The following THSD7A variants were observed in gnomAD, a reference collection of about 807,000 sequenced individuals.
THSD7A encodes the protein thrombospondin type 1 domain containing 7A, also known as thrombospondin type-1 domain-containing protein 7A.
A neutral mutation model predicts 231.3 loss-of-function variants in THSD7A; 96 were observed. That is an observed-to-expected ratio of 0.41 (90% confidence interval 0.35 to 0.49). THSD7A has a LOEUF of 0.49. Ranked by LOEUF, THSD7A falls within the 20% of genes least tolerant of loss-of-function variation. THSD7A has a pLI of 0.05. For synonymous variants in THSD7A, 940 were observed against 743.3 expected (o/e 1.26, Z -4.30); for missense variants, 2,290 against 2,070.2 (o/e 1.11, Z -2.06).
chr7:11,719,457 T>A (rs917917565), intron 1 of THSD7A, among the ~76,000 whole-genome samples: 3 of 151,680 alleles, frequency 2.0e-5, no homozygotes, highest in Non-Finnish European at 4.4e-5. Flanking sequence ...GATCATTTTT[T>A]CAATTTCATA....
chr7:11,575,121 G>A (rs1790834598), intron 4 of THSD7A, among the ~76,000 whole-genome samples: 1 of 152,174 alleles, frequency 6.6e-6, no homozygotes, highest in African/African-American at 2.4e-5. Flanking sequence ...ACTTAGAATA[G>A]TGTCTCACAT....
intron 6 of THSD7A, among the ~76,000 whole-genome samples, chr7:11,484,066 A>T (rs1305119558): frequency 6.6e-6 from 1 of 151,174 alleles, no homozygotes; most frequent in Non-Finnish European, 1.5e-5. Flanking sequence ...CTCTTTTTCA[A>T]TCATCTTGTT....
At chr7:11,706,171 A>G (rs1391933370) in intron 1 of THSD7A, among the ~76,000 whole-genome samples, 1 of 151,004 alleles carries the variant, frequency 6.6e-6, no homozygotes, top group Non-Finnish European at 1.5e-5. Flanking sequence ...TCATACTTAC[A>G]TTAATATGTG....
chr7:11,405,739 C>G (rs879837253), intron 22 of THSD7A, among the ~76,000 whole-genome samples: 5 of 152,134 alleles, frequency 3.3e-5, no homozygotes, highest in Non-Finnish European at 7.4e-5. Context: ...TCAATAGTTT[C>G]CTCCATACTG....
chr7:11,749,272 C>G (rs1390286502), intron 1 of THSD7A, among the ~76,000 whole-genome samples: 1 of 151,898 alleles, frequency 6.6e-6, no homozygotes, highest in Non-Finnish European at 1.5e-5. Flanking sequence ...CACACAGTGC[C>G]TCAGTATTTT....
chr7:11,525,100 A>C (rs1311234140), intron 6 of THSD7A, among the ~76,000 whole-genome samples: 1 of 152,214 alleles, frequency 6.6e-6, no homozygotes, highest in Non-Finnish European at 1.5e-5. Flanking sequence ...GCCATCAGCA[A>C]ATCCATTTTT....
chr7:11,513,255 TA>T (rs1787893499), intron 6 of THSD7A, among the ~76,000 whole-genome samples: 2 of 151,498 alleles, frequency 1.3e-5, no homozygotes, highest in African/African-American at 2.4e-5. Flanking sequence ...AAATCTCCAC[TA>T]AAAAACTTAC....
rs2115265059 is a variant in THSD7A, at chr7:11,370,481, T to G, written c.*5313A>C. On this transcript the variant is annotated 3_prime_UTR_variant, in exon 28 of 28. Transcript: ENST00000423059. ...TATTTATGTTTGTCAGCAATATAGT[T>G]ATTTACAAATAACCCATATGAAAAT... 6.6e-6 allele frequency: 1 copy of G among 152,294 alleles called. No homozygotes were observed. Among genetic ancestry groups the G allele is most frequent in the Admixed American group, 6.5e-5 (1 of 15,290 alleles). 9.4% of individuals were successfully genotyped at this position (152,294 alleles called of 1,614,324 possible). A position where few individuals can be genotyped will look rare whatever the true frequency, so the allele number is the denominator to read the frequency against.
At chr7:11,624,606 C>T (rs1781421493) in intron 2 of THSD7A, among the ~76,000 whole-genome samples, 1 of 151,998 alleles carries the variant, frequency 6.6e-6, no homozygotes, top group Admixed American at 6.6e-5. Context: ...ATCAAATTAC[C>T]TTAATAAATA....
chr7:11,388,227 T>C (rs894011630), intron 23 of THSD7A, among the ~76,000 whole-genome samples: 2 of 152,030 alleles, frequency 1.3e-5, no homozygotes, highest in East Asian at 1.9e-4. Flanking sequence ...GTAGGGAGGA[T>C]TCCCTCTTTT....
rs1011940071 is a variant in THSD7A, at chr7:11,814,341, G to A, written c.190+17416C>T. On this transcript the variant is annotated intron_variant, in intron 1 of 27. Coordinates refer to ENST00000423059, the MANE Select transcript of THSD7A (RefSeq NM_015204.3). The surrounding 1 kb of genome is among the most constrained non-coding windows in gnomAD (Gnocchi z 5.1). ...GATGGCAATCCCAAGTATTCAGCACGTGACAAACAAAGGAGATTCATCTCA... is the reference window on the plus strand; with the variant it reads ...GATGGCAATCCCAAGTATTCAGCACATGACAAACAAAGGAGATTCATCTCA... Among the ~76,000 whole-genome samples the A allele has an allele frequency of 5.9e-5, 9 of 152,170 alleles. No individual in the cohort carries two copies. Among genetic ancestry groups the A allele is most frequent in the African/African-American group, 1.2e-4 (5 of 41,438 alleles).
intron 11 of THSD7A, among the ~76,000 whole-genome samples, chr7:11,448,486 T>C (rs1314068909): frequency 6.6e-6 from 1 of 152,142 alleles, no homozygotes; most frequent in African/African-American, 2.4e-5. Flanking sequence ...TTCAGGTTTA[T>C]GGTCTAGGCT....
At chr7:11,401,603 G>C (rs1783405248) in intron 23 of THSD7A, among the ~76,000 whole-genome samples, 192 bp downstream of exon 23, 1 of 151,982 alleles carries the variant, frequency 6.6e-6, no homozygotes, top group Admixed American at 6.6e-5. Flanking sequence ...TAGAGTTTGG[G>C]TTTGGCCATG....
chr7:11,598,247 CAAAG>C (rs925980873), intron 2 of THSD7A, among the ~76,000 whole-genome samples: 72 of 152,222 alleles, frequency 4.7e-4, no homozygotes, highest in African/African-American at 1.6e-3. Flanking sequence ...AAATTGGTGA[CAAAG>C]AAATTTGGGG....
chr7:11,466,992 C>T (rs1785734914), intron 9 of THSD7A, among the ~76,000 whole-genome samples: 1 of 152,138 alleles, frequency 6.6e-6, no homozygotes, highest in African/African-American at 2.4e-5. Flanking sequence ...ACAGCACTAT[C>T]TACCCGCATA....
chr7:11,829,487 A>C (rs1481576879), intron 1 of THSD7A, among the ~76,000 whole-genome samples: 1 of 152,152 alleles, frequency 6.6e-6, no homozygotes, highest in East Asian at 1.9e-4. Flanking sequence ...TTCCTGTCCC[A>C]GATCTTCATC....
In THSD7A at chr7:11,636,984, A is replaced by T. The variant is rs781309361; in HGVS notation, c.191-23T>A. The stretch of plus-strand genomic sequence containing the variant: ...GACCTACAAAAATTATAACACAAAA[A>T]TTAGCAGTGCTACTAGAAGAAAACT... On this transcript the variant is annotated intron_variant, in intron 1 of 27. Transcript: ENST00000423059. The surrounding 1 kb of genome is among the most constrained non-coding windows in gnomAD (Gnocchi z 10.0). 1 of 1,580,824 alleles carries T rather than the reference A, an allele frequency of 6.3e-7. No homozygotes were observed. The highest frequency in any genetic ancestry group is 1.3e-5 in the African/African-American group (1 of 74,230).
chr7:11,716,667 A>G (rs929176741), intron 1 of THSD7A, among the ~76,000 whole-genome samples: 5 of 151,510 alleles, frequency 3.3e-5, no homozygotes, highest in African/African-American at 7.3e-5. Context: ...ATGTTATTCA[A>G]TTCTTCTTAT....
At chr7:11,708,095 C>T (rs1405324) in intron 1 of THSD7A, among the ~76,000 whole-genome samples, 21,995 of 150,564 alleles carry the variant, frequency 0.15, 1,744 homozygotes, top group Admixed American at 0.19. Context: ...CCTACTCATG[C>T]GTTATTAATC....
Sources: gnomAD v4.1 joint callset for allele counts (sites outside exome capture counted in the v4.1 genomes callset) on GRCh38, gnomAD v4.1.1 for gene constraint, Gnocchi (gnomAD v3.1) non-coding constraint, MANE v1.5 for transcripts, NCBI Gene and HGNC (gene_info 2026-07-23, HGNC 2026-07-21) for gene names.